BIRC3: variants seen among roughly 807,000 people sequenced by gnomAD.
BIRC3 encodes baculoviral IAP repeat containing 3.
Under a neutral mutation model 59.0 loss-of-function variants are expected in BIRC3, and 26 were observed. The observed-to-expected ratio is 0.44, with a 90% CI of 0.32 to 0.61. BIRC3 has a LOEUF of 0.61. Among genes scored for constraint, BIRC3 ranks in the 20% least tolerant of loss-of-function variants. BIRC3 has a pLI of 0.04. For missense variants in BIRC3, 641 were observed against 711.5 expected (o/e 0.90, Z 1.13); for synonymous variants, 243 against 249.2 (o/e 0.98, Z 0.24).
At chr11:102,329,355 C>T (rs1016091403) in intron 5 of BIRC3, among the ~76,000 whole-genome samples, 7 of 152,112 alleles carry the variant, frequency 4.6e-5, no homozygotes, top group African/African-American at 1.2e-4. Flanking sequence ...TAAATAGGGA[C>T]GCTGAGGCTC....
chr11:102,337,206 C>A lies in BIRC3; in HGVS notation c.*104C>A. 3 of 839,966 alleles carry A rather than the reference C, an allele frequency of 3.6e-6. No homozygotes were observed. Among genetic ancestry groups the A allele is most frequent in the Non-Finnish European group, 5.0e-6 (3 of 602,340 alleles). The allele number at this position is 839,966 out of a possible 1,614,324, so 52.0% of individuals were successfully genotyped here. On this transcript the variant is annotated 3_prime_UTR_variant, in exon 9 of 9. Transcript: ENST00000263464. ...TTTCCTTAAAATTTTTATTTATTTA[C>A]AACTCAAAAAACATTGTTTTGTGTA...
At position 102,325,033 on chromosome 11, in the gene BIRC3, C is replaced by T. The variant is rs749770154; in HGVS notation, c.524C>T (p.Thr175Ile). Residue 175 changes from threonine (T) to isoleucine (I), a missense_variant, in exon 2 of 9, where the codon ACT becomes ATT. Thr to Ile is a moderately conservative substitution (Grantham distance 89). Transcript: ENST00000263464. ...AMNNENARLL[T>I]FQTWPLTFLS... ...AATAACGAAAATGCCAGATTACTTA[C>T]TTTTCAGACATGGCCATTGACTTTT... 1.2e-6 allele frequency: 2 copies of T among 1,614,074 alleles called. No individual in the cohort carries two copies. The highest frequency in any genetic ancestry group is 4.5e-5 in the East Asian group (2 of 44,900).
Position 102,324,253 on chromosome 11 carries a change from C to CT in BIRC3, c.-255dup, listed in dbSNP as rs373862803. On this transcript the variant is annotated 5_prime_UTR_variant, in exon 2 of 9. Transcript: ENST00000263464. ...TGAAGGGTTTTAATTTTCAACACAG[C>CT]TTACTCTGTAGCATCATGTTTACAT... The CT allele has an allele frequency of 3.2e-3, 1,088 of 343,246 alleles. 18 individuals carry two copies. The highest frequency in any genetic ancestry group is 0.021 in the African/African-American group (984 of 47,420). The allele number at this position is 343,246 out of a possible 1,614,324, so 21.3% of individuals were successfully genotyped here.
intron 5 of BIRC3, among the ~76,000 whole-genome samples, chr11:102,329,448 T>C (rs548137141): frequency 1.3e-5 from 2 of 152,306 alleles, no homozygotes; most frequent in Admixed American, 1.3e-4. Flanking sequence ...TACTCCATTA[T>C]CTCATGTTCA....
At chr11:102,321,738 G>A in intron 1 of BIRC3, 99 bp from the exon 2 acceptor site, 1 of 167,838 alleles carries the variant, frequency 6.0e-6, no homozygotes, top group East Asian at 1.1e-4. Flanking sequence ...GTAATTACTA[G>A]TACTCTATTT....
At position 102,323,178 on chromosome 11, in the gene BIRC3, T is replaced by C. The variant is rs1378844913; in HGVS notation, c.-1332T>C. 1 of 199,526 alleles carries C rather than the reference T, an allele frequency of 5.0e-6. No homozygotes were observed. The highest frequency in any genetic ancestry group is 1.0e-5 in the Non-Finnish European group (1 of 96,624). The allele number at this position is 199,526 out of a possible 1,614,324, so 12.4% of individuals were successfully genotyped here. ...TGATAAGTTGAATAACTCTACAATG[T>C]TAGTTCTTTGAGGGGGACAAAAAAT... On this transcript the variant is annotated 5_prime_UTR_variant, in exon 2 of 9. Transcript: ENST00000263464.
Position 102,326,857 on chromosome 11 carries a change from C to T in BIRC3, c.954-1195C>T, listed in dbSNP as rs374376319. The stretch of plus-strand genomic sequence containing the variant: ...GCTAGTAGCTGGGATTACAGGTGCA[C>T]GCTAGCATGCCCAGCTAATTTTTGT... On this transcript the variant is annotated intron_variant, in intron 3 of 8. Coordinates refer to ENST00000263464, the MANE Select transcript of BIRC3 (RefSeq NM_001165.5). The T allele has an allele frequency of 7.2e-4, 316 of 437,992 alleles. 3 individuals are homozygous for T. The Middle Eastern group carries it at 0.01, about 14-fold the overall frequency. The allele number at this position is 437,992 out of a possible 1,614,324, so 27.1% of individuals were successfully genotyped here.
chr11:102,335,357 C>T (rs997734050), intron 6 of BIRC3, among the ~76,000 whole-genome samples: 2 of 152,278 alleles, frequency 1.3e-5, no homozygotes, highest in East Asian at 1.9e-4. Flanking sequence ...TGAATTGAAA[C>T]GTCAATTTTA....
chr11:102,331,046 A>G lies in BIRC3; in HGVS notation c.1129A>G (p.Met377Val), dbSNP rs760250405. ...AGACCATTCAGAAGATGCAATCATGATGAATACTCCTGTGATTAATGCTGC... is the reference window on the plus strand; with the variant it reads ...AGACCATTCAGAAGATGCAATCATGGTGAATACTCCTGTGATTAATGCTGC... ...GEDHSEDAIM[M>V]NTPVINAAVE... The change falls in exon 6 of 9, where the codon ATG (methionine) becomes GTG (valine). Residue 377 changes from methionine (M) to valine (V), a missense_variant. Met to Val is a conservative substitution (Grantham distance 21, BLOSUM62 1). Transcript: ENST00000263464. The G allele has an allele frequency of 4.3e-6, 7 of 1,613,696 alleles. No individual in the cohort carries two copies. The highest frequency in any genetic ancestry group is 5.9e-6 in the Non-Finnish European group (7 of 1,179,832).
chr11:102,326,666 A>G (rs1951084113), intron 3 of BIRC3: 2 of 453,552 alleles, frequency 4.4e-6, no homozygotes, highest in Admixed American at 2.4e-5. Context: ...ATGGGTTAAT[A>G]TCGATTAATA....
chr11:102,319,327 T>C (rs1290806382), intron 1 of BIRC3, among the ~76,000 whole-genome samples: 1 of 152,046 alleles, frequency 6.6e-6, no homozygotes, highest in Non-Finnish European at 1.5e-5. Flanking sequence ...ATTACAGGCA[T>C]GAGCCACCAC....
At position 102,324,954 on chromosome 11, in the gene BIRC3, A is replaced by G. The variant is rs1785031981; in HGVS notation, c.445A>G (p.Arg149Gly). The change falls in exon 2 of 9, where the codon AGA (arginine) becomes GGA (glycine). Residue 149 changes from arginine (R) to glycine (G), a missense_variant. Physicochemically the swap from Arg to Gly is moderately radical, Grantham distance 125. This residue lies in a region of BIRC3 where 329 missense variants were observed against 365.6 expected (regional missense o/e 0.90). Coordinates refer to ENST00000263464, the MANE Select transcript of BIRC3 (RefSeq NM_001165.5). Reference sequence around the variant, plus strand: ...CTCTCCATCAAATCCTGTAAACTCCAGAGCAAATCAAGATTTTTCTGCCTT... The same window carrying G: ...CTCTCCATCAAATCCTGTAAACTCCGGAGCAAATCAAGATTTTTCTGCCTT... ...SNSPSNPVNS[R>G]ANQDFSALMR... 2 of 1,614,084 alleles carry G rather than the reference A, an allele frequency of 1.2e-6. No homozygotes were observed.
intron 6 of BIRC3, among the ~76,000 whole-genome samples, chr11:102,331,508 G>A (rs1427218033): frequency 6.6e-6 from 1 of 151,870 alleles, no homozygotes; most frequent in Non-Finnish European, 1.5e-5. Context: ...AGCTGACGTT[G>A]TGTCCAATTA....
intron 6 of BIRC3, among the ~76,000 whole-genome samples, chr11:102,332,841 C>G (rs1951157993): frequency 6.6e-6 from 1 of 152,198 alleles, no homozygotes; most frequent in Non-Finnish European, 1.5e-5. Context: ...TCATCAAATT[C>G]TCTTTTCTCT....
chr11:102,323,503 A>G lies in BIRC3; in HGVS notation c.-1007A>G, dbSNP rs1951051684. On this transcript the variant is annotated 5_prime_UTR_variant, in exon 2 of 9. Transcript: ENST00000263464. Reference sequence around the variant, plus strand: ...TGAGTCCAAAAGACCAAATGAACAAACACATTAATCTCTGATTATTTATTT... The same window carrying G: ...TGAGTCCAAAAGACCAAATGAACAAGCACATTAATCTCTGATTATTTATTT... 5.3e-6 allele frequency: 1 copy of G among 187,556 alleles called. No homozygotes were observed. Among genetic ancestry groups the G allele is most frequent in the South Asian group, 2.0e-4 (1 of 5,128 alleles). 11.6% of individuals were successfully genotyped at this position (187,556 alleles called of 1,614,324 possible).
intron 7 of BIRC3, 86 bp from the exon 8 acceptor site, chr11:102,336,667 GCTATAGT>G: frequency 8.6e-7 from 1 of 1,162,264 alleles, no homozygotes; most frequent in African/African-American, 1.6e-5. Context: ...TGAGTATTTG[GCTATAGT>G]CTAAAGTGTT....
At chr11:102,318,158 C>T (rs2135779459) in intron 1 of BIRC3, among the ~76,000 whole-genome samples, 1 of 152,296 alleles carries the variant, frequency 6.6e-6, no homozygotes, top group East Asian at 1.9e-4. Context: ...GTACTGCTAC[C>T]TGCTATGTGC....
intron 3 of BIRC3, among the ~76,000 whole-genome samples, chr11:102,327,516 T>C (rs973727741): frequency 1.3e-5 from 2 of 152,022 alleles, no homozygotes; most frequent in Admixed American, 6.6e-5. Flanking sequence ...GGCAGGCACC[T>C]GCAAGCTCAG....
At chr11:102,335,432 C>T (rs1372674848) in intron 6 of BIRC3, among the ~76,000 whole-genome samples, 1 of 152,200 alleles carries the variant, frequency 6.6e-6, no homozygotes, top group Non-Finnish European at 1.5e-5. Context: ...AAGCACAGTA[C>T]ATGACACCAG....
Sources: gnomAD v4.1 joint callset for allele counts (sites outside exome capture counted in the v4.1 genomes callset) on GRCh38, gnomAD v4.1.1 for gene constraint, gnomAD v4.1.1 regional missense constraint, MANE v1.5 for transcripts, NCBI Gene and HGNC (gene_info 2026-07-23, HGNC 2026-07-21) for gene names.